SP140: variants seen among roughly 807,000 people sequenced by gnomAD.
The protein encoded by SP140 is nuclear body protein SP140.
Under a neutral mutation model 125.0 loss-of-function variants are expected in SP140, and 81 were observed. The observed-to-expected ratio is 0.65, with a 90% CI of 0.54 to 0.78. The LOEUF is 0.78. Among genes scored for constraint, SP140 ranks in the 30% least tolerant of loss-of-function variants. The pLI is 0.00. For synonymous variants in SP140, 312 were observed against 354.0 expected, an observed-to-expected ratio of 0.88 and a Z score of 1.33; for missense variants, 858 against 1,037.0, an observed-to-expected ratio of 0.83 and a Z score of 2.37.
intron 1 of SP140, among the ~76,000 whole-genome samples, chr2:230,232,183 G>A (rs2047356463): frequency 6.6e-6 from 1 of 152,208 alleles, no homozygotes; most frequent in Non-Finnish European, 1.5e-5. Context: ...AGGATAAAGA[G>A]ATTTTTCTTG....
At chr2:230,270,914 C>G in intron 15 of SP140, 1 of 471,592 alleles carries the variant, frequency 2.1e-6, no homozygotes, top group East Asian at 5.4e-5. Flanking sequence ...ATCTTGTAGG[C>G]CTTAAAGAGT....
downstream of SP140, among the ~76,000 whole-genome samples, chr2:230,315,520 C>T (rs925756125): frequency 6.6e-6 from 1 of 152,076 alleles, no homozygotes; most frequent in Non-Finnish European, 1.5e-5. Context: ...AATCGTTTCC[C>T]CTCTTCCTGA....
Position 230,256,658 on chromosome 2 carries a change from A to G in SP140, c.1240+1126A>G, listed in dbSNP as rs1209030828. The stretch of plus-strand genomic sequence containing the variant: ...GCACGTTGTGCACATGTACCCTAAA[A>G]CTTAAAGTATAATAAAAAAAATTTC... On this transcript the variant is annotated intron_variant, in intron 12 of 26. Transcript: ENST00000392045. 3.3e-5 allele frequency among the ~76,000 whole-genome samples: 5 copies of G among 152,196 alleles called. No individual in the cohort carries two copies. The South Asian group carries it at 1.0e-3, about 32-fold the overall frequency.
intron 1 of SP140, among the ~76,000 whole-genome samples, chr2:230,236,459 A>G (rs541403028): frequency 6.6e-6 from 1 of 152,340 alleles, no homozygotes; most frequent in Middle Eastern, 3.4e-3. Flanking sequence ...GTTATAAGGA[A>G]TTGGCTCTTG....
At chr2:230,281,703 T>C (rs1356660303) in intron 15 of SP140, among the ~76,000 whole-genome samples, 2 of 152,252 alleles carry the variant, frequency 1.3e-5, no homozygotes, top group Non-Finnish European at 2.9e-5. Flanking sequence ...CAGCATGTTT[T>C]TGAGATTCAT....
chr2:230,278,245 C>CT (rs1374181586), intron 15 of SP140, among the ~76,000 whole-genome samples: 9 of 152,066 alleles, frequency 5.9e-5, no homozygotes, highest in East Asian at 1.9e-4. Context: ...ATGTTGATTG[C>CT]TTTTTTTATA....
At chr2:230,288,783 T>G (rs1177406737) in intron 18 of SP140, among the ~76,000 whole-genome samples, 2 of 152,186 alleles carry the variant, frequency 1.3e-5, no homozygotes, top group African/African-American at 4.8e-5. Context: ...TCCATGTCCC[T>G]GTAAAGGACA....
At chr2:230,285,665 C>T (rs1313725184) in intron 16 of SP140, 87 bp from the exon 17 acceptor site, 1 of 1,121,524 alleles carries the variant, frequency 8.9e-7, no homozygotes, top group Non-Finnish European at 1.4e-6. Context: ...GAATGAGACC[C>T]AGGACTCCCT....
At chr2:230,212,256 G>C (rs1392114497) in intron 1 of SP140, 1 of 943,644 alleles carries the variant, frequency 1.1e-6, no homozygotes, top group East Asian at 2.4e-5. Context: ...CTTTTTCCCA[G>C]GGTTCCCACC....
chr2:230,219,745 T>C (rs1382108002), intron 3 of SP140: 1 of 176,632 alleles, frequency 5.7e-6, no homozygotes, highest in Non-Finnish European at 1.1e-5. Flanking sequence ...AAGTACCACA[T>C]GTCTGAGCTC....
chr2:230,311,137 G>A lies in SP140; in HGVS notation c.2284-17G>A. 1.2e-6 allele frequency: 2 copies of A among 1,608,242 alleles called. No homozygotes were observed. The highest frequency in any genetic ancestry group is 1.7e-6 in the Non-Finnish European group (2 of 1,178,502). ...CTCTCCAAGCTGCTTTTCATTTACGGCCTCTTTCTTTTGCAGAAATGTGAG... is the reference window on the plus strand; with the variant it reads ...CTCTCCAAGCTGCTTTTCATTTACGACCTCTTTCTTTTGCAGAAATGTGAG... On this transcript the variant is annotated splice_polypyrimidine_tract_variant and intron_variant, in intron 24 of 26. Coordinates refer to ENST00000392045, the MANE Select transcript of SP140 (RefSeq NM_007237.5).
At position 230,280,100 on chromosome 2, in the gene SP140, T is replaced by C. The variant is rs139373099; in HGVS notation, c.1499-4246T>C. Among the ~76,000 whole-genome samples, 9 of 152,306 alleles carry C rather than the reference T, an allele frequency of 5.9e-5. No individual in the cohort carries two copies. In the East Asian group the frequency reaches 1.2e-3, roughly 20 times the overall value. Reference sequence around the variant, plus strand: ...TTTGTGTCCATAGTAATTTAAATTTTATTTGCTCCATCAGATTTGCATACA... The same window carrying C: ...TTTGTGTCCATAGTAATTTAAATTTCATTTGCTCCATCAGATTTGCATACA... On this transcript the variant is annotated intron_variant, in intron 15 of 26. Coordinates refer to ENST00000392045, the MANE Select transcript of SP140 (RefSeq NM_007237.5).
At chr2:230,249,478 C>T (rs1475968573) in intron 9 of SP140, among the ~76,000 whole-genome samples, 3 of 151,930 alleles carry the variant, frequency 2.0e-5, no homozygotes, top group Non-Finnish European at 4.4e-5. Flanking sequence ...TCTTTTCCAA[C>T]CTGGAAGAAG....
chr2:230,264,543 G>A (rs1309213395), intron 12 of SP140, among the ~76,000 whole-genome samples: 1 of 152,132 alleles, frequency 6.6e-6, no homozygotes, highest in Non-Finnish European at 1.5e-5. Flanking sequence ...GTGTGTTAAA[G>A]AGCCTTGTTT....
chr2:230,292,330 G>A (rs535148266), intron 19 of SP140, among the ~76,000 whole-genome samples: 3 of 152,334 alleles, frequency 2.0e-5, no homozygotes, highest in African/African-American at 7.2e-5. Flanking sequence ...GCAAGTTGGA[G>A]TCCTCTCATC....
upstream of SP140, among the ~76,000 whole-genome samples, chr2:230,201,926 C>G (rs1441675006): frequency 2.0e-5 from 3 of 152,174 alleles, no homozygotes; most frequent in Non-Finnish European, 4.4e-5. Flanking sequence ...TCTCAAAAGA[C>G]TGTTAAATTA....
intron 15 of SP140, among the ~76,000 whole-genome samples, chr2:230,274,773 T>C (rs1002178926): frequency 1.3e-5 from 2 of 152,274 alleles, no homozygotes; most frequent in Admixed American, 6.5e-5. Flanking sequence ...GCTTTTTTTT[T>C]CTGATTTTAA....
At chr2:230,224,788 G>C (rs1005154571), upstream of SP140, among the ~76,000 whole-genome samples, 6 of 152,166 alleles carry the variant, frequency 3.9e-5, no homozygotes, top group African/African-American at 1.4e-4. Flanking sequence ...CCTCACTACT[G>C]TTCTGTCACT....
chr2:230,236,570 A>G (rs551576027), intron 1 of SP140, among the ~76,000 whole-genome samples: 3 of 152,312 alleles, frequency 2.0e-5, no homozygotes, highest in East Asian at 3.9e-4. Context: ...GCAGTCTACT[A>G]GAGGATTCTT....
Sources: allele counts gnomAD v4.1 joint callset (sites outside exome capture counted in the v4.1 genomes callset), GRCh38; gene constraint gnomAD v4.1.1; transcripts MANE v1.5; gene names NCBI Gene and HGNC (gene_info 2026-07-23, HGNC 2026-07-21).